The following PDE8A variants were observed in gnomAD, a reference collection of about 807,000 sequenced individuals.
The protein encoded by PDE8A is phosphodiesterase 8A.
In PDE8A, 59 loss-of-function variants were observed where a neutral mutation model predicts 105.0. That is an observed-to-expected ratio of 0.56 (90% CI 0.46 to 0.70). The LOEUF is 0.70. Among genes scored for constraint, PDE8A ranks in the 30% least tolerant of loss-of-function variants. The pLI, the probability that PDE8A is intolerant of heterozygous loss-of-function variation, is 0.00. For missense variants in PDE8A, 1,014 were observed against 1,045.9 expected, an observed-to-expected ratio of 0.97 and a Z score of 0.42; for synonymous variants, 355 against 371.9, an observed-to-expected ratio of 0.95 and a Z score of 0.52.
chr15:85,087,015 G>A (rs2081564306), intron 6 of PDE8A, among the ~76,000 whole-genome samples: 2 of 149,418 alleles, frequency 1.3e-5, no homozygotes, highest in Non-Finnish European at 3.0e-5. Flanking sequence ...TTACAGGTGT[G>A]AGCCACCATG....
intron 20 of PDE8A, among the ~76,000 whole-genome samples, chr15:85,128,793 A>T (rs1477874745): frequency 6.6e-6 from 1 of 152,244 alleles, no homozygotes; most frequent in Non-Finnish European, 1.5e-5. Flanking sequence ...GCTGAACATC[A>T]TTAGTCATCT....
intron 1 of PDE8A, among the ~76,000 whole-genome samples, chr15:85,027,876 A>G (rs1307403737): frequency 6.6e-6 from 1 of 152,204 alleles, no homozygotes; most frequent in Non-Finnish European, 1.5e-5. Flanking sequence ...TAAAAAACAA[A>G]TGGGCTGTTG....
At chr15:85,053,160 G>T (rs1354751316) in intron 1 of PDE8A, among the ~76,000 whole-genome samples, 1 of 152,124 alleles carries the variant, frequency 6.6e-6, no homozygotes, top group Non-Finnish European at 1.5e-5. Context: ...TGAGGGCTCT[G>T]TTCTGTTCCA....
chr15:85,071,120 C>T (rs541833433), intron 3 of PDE8A, among the ~76,000 whole-genome samples: 1 of 152,334 alleles, frequency 6.6e-6, no homozygotes, highest in South Asian at 2.1e-4. Flanking sequence ...TCTACTGTAT[C>T]TGTCGTACCG....
rs35668265 is a variant in PDE8A at position 85,039,027 on chromosome 15, A to T, written c.187-25343A>T. Among the ~76,000 whole-genome samples, 22 of 152,008 alleles carry T rather than the reference A, an allele frequency of 1.4e-4. No individual in the cohort carries two copies. The South Asian group carries it at 3.1e-3, about 22-fold the overall frequency. ...TCCTAGCTACTTGGGAGGCTGAGGC[A>T]GGAGAATTGCTTGAACTCGGGAGGC... On this transcript the variant is annotated intron_variant, in intron 1 of 21. Coordinates refer to ENST00000394553, the MANE Select transcript of PDE8A (RefSeq NM_002605.3).
chr15:85,125,082 C>T (rs992495046), intron 19 of PDE8A, among the ~76,000 whole-genome samples: 11 of 152,250 alleles, frequency 7.2e-5, no homozygotes, highest in African/African-American at 2.6e-4. Context: ...AGGGTCAGCA[C>T]AGAGCTGGTC....
chr15:85,080,487 G>A (rs887863118), intron 5 of PDE8A, among the ~76,000 whole-genome samples: 1 of 152,124 alleles, frequency 6.6e-6, no homozygotes, highest in Non-Finnish European at 1.5e-5. Flanking sequence ...GAAACTTAGG[G>A]GATAGATTAT....
chr15:85,015,427 A>G (rs535336119), intron 1 of PDE8A, among the ~76,000 whole-genome samples: 1 of 152,144 alleles, frequency 6.6e-6, no homozygotes, highest in South Asian at 2.1e-4. Context: ...GGCAGGTCTC[A>G]AAACTACTGG....
chr15:84,999,337 G>A (rs1300851201), intron 1 of PDE8A, among the ~76,000 whole-genome samples: 1 of 151,994 alleles, frequency 6.6e-6, no homozygotes, highest in Non-Finnish European at 1.5e-5. Context: ...GCCAGGCCTG[G>A]TCTTTGAACT....
chr15:85,095,305 C>CT (rs1410802158), intron 8 of PDE8A, among the ~76,000 whole-genome samples: 1 of 152,092 alleles, frequency 6.6e-6, no homozygotes. Context: ...TGGTAGTACT[C>CT]TAAGGTTGTA....
intron 17 of PDE8A, among the ~76,000 whole-genome samples, chr15:85,118,210 G>A (rs1409774427): frequency 3.9e-5 from 6 of 152,106 alleles, no homozygotes; most frequent in Admixed American, 3.9e-4. Flanking sequence ...AGTCTGCAGG[G>A]CTCTAAGGTC....
chr15:85,057,027 C>T (rs1173515533), intron 1 of PDE8A, among the ~76,000 whole-genome samples: 2 of 152,120 alleles, frequency 1.3e-5, no homozygotes, highest in Non-Finnish European at 2.9e-5. Context: ...TGTTAGTTTT[C>T]CTTCTAACAG....
At chr15:85,079,529 G>A (rs546746436) in intron 5 of PDE8A, among the ~76,000 whole-genome samples, 20 of 152,330 alleles carry the variant, frequency 1.3e-4, no homozygotes, top group South Asian at 2.1e-4. Flanking sequence ...AGAGGAAATA[G>A]GGAGTTTACA....
In PDE8A at chr15:85,012,386, A is replaced by G. The variant is rs536424934; in HGVS notation, c.186+30038A>G. Among the ~76,000 whole-genome samples the G allele has an allele frequency of 2.0e-5, 3 of 152,296 alleles. No individual in the cohort carries two copies. In the East Asian group the frequency reaches 5.8e-4, roughly 29 times the overall value. On this transcript the variant is annotated intron_variant, in intron 1 of 21. Coordinates refer to ENST00000394553, the MANE Select transcript of PDE8A (RefSeq NM_002605.3). ...TGCAGCCATAAAAAATGATGAGTTC[A>G]TGTCCTTTGTAGGGACCTGGATGAA...
chr15:85,079,907 C>T (rs2081438296), intron 5 of PDE8A, among the ~76,000 whole-genome samples: 1 of 151,748 alleles, frequency 6.6e-6, no homozygotes, highest in African/African-American at 2.4e-5. Context: ...GAGCAAGACT[C>T]CATCTCAAAA....
At chr15:85,074,862 G>A (rs892412425) in intron 3 of PDE8A, among the ~76,000 whole-genome samples, 1 of 152,156 alleles carries the variant, frequency 6.6e-6, no homozygotes, top group African/African-American at 2.4e-5. Flanking sequence ...ACTGGTTTCT[G>A]TGCCATCCTA....
chr15:85,014,211 A>G (rs867597026), intron 1 of PDE8A, among the ~76,000 whole-genome samples: 4 of 151,840 alleles, frequency 2.6e-5, no homozygotes, highest in East Asian at 1.9e-4. Flanking sequence ...CAGTGGCATG[A>G]TAATAGCTTA....
rs973703088 is a variant in PDE8A, at chr15:85,007,731, A to G, written c.186+25383A>G. Among the ~76,000 whole-genome samples, 10 of 152,088 alleles carry G rather than the reference A, an allele frequency of 6.6e-5. 1 individual carries two copies. Among genetic ancestry groups the G allele is most frequent in the South Asian group, 4.2e-4 (2 of 4,806 alleles). On this transcript the variant is annotated intron_variant, in intron 1 of 21. Coordinates refer to ENST00000394553, the MANE Select transcript of PDE8A (RefSeq NM_002605.3). Reference sequence around the variant, plus strand: ...CTGGGAGGATTAAATGAGTCTCCCAATAGTGTTGAGTACATAGTAAATACT... The same window carrying G: ...CTGGGAGGATTAAATGAGTCTCCCAGTAGTGTTGAGTACATAGTAAATACT...
chr15:85,067,754 T>C (rs2081251894), intron 3 of PDE8A, among the ~76,000 whole-genome samples: 1 of 152,132 alleles, frequency 6.6e-6, no homozygotes, highest in Non-Finnish European at 1.5e-5. Flanking sequence ...AGAAAAGATA[T>C]AAGCTAAGTA....
Sources: gnomAD v4.1 joint callset for allele counts (sites outside exome capture counted in the v4.1 genomes callset) on GRCh38, gnomAD v4.1.1 for gene constraint, MANE v1.5 for transcripts, NCBI Gene and HGNC (gene_info 2026-07-23, HGNC 2026-07-21) for gene names.